The following TRIB1 variants were observed in gnomAD, a reference collection of about 807,000 sequenced individuals.
The protein encoded by TRIB1 is tribbles homolog 1.
TRIB1 carries 12 observed loss-of-function variants against 27.8 expected under a neutral mutation model. That is an observed-to-expected ratio of 0.43 (90% confidence interval 0.28 to 0.70). The LOEUF (loss-of-function observed/expected upper bound fraction) is 0.70. TRIB1 is among the 30% of genes least tolerant of loss of function. The probability of loss-of-function intolerance (pLI) is 0.18; values close to 1 mark genes in which losing one functional copy is unlikely to be tolerated. For missense variants in TRIB1, 475 were observed against 515.8 expected (o/e 0.92, Z 0.77); for synonymous variants, 230 against 224.9 (o/e 1.02, Z -0.20).
At chr8:125,432,643 A>C (rs1037956539) in intron 1 of TRIB1, among the ~76,000 whole-genome samples, 1 of 152,074 alleles carries the variant, frequency 6.6e-6, no homozygotes. Context: ...ATAAACAAAC[A>C]AGTGGAAAAC....
At chr8:125,431,624 A>G (rs549619442) in intron 1 of TRIB1, among the ~76,000 whole-genome samples, 146 of 152,294 alleles carry the variant, frequency 9.6e-4, no homozygotes, top group Non-Finnish European at 1.7e-3. Flanking sequence ...TCCCCCGCCA[A>G]TGTCCTGGAA....
chr8:125,431,996 G>C (rs1042216811), intron 1 of TRIB1, among the ~76,000 whole-genome samples: 3 of 152,134 alleles, frequency 2.0e-5, no homozygotes, highest in African/African-American at 7.2e-5. Flanking sequence ...GGATCCGCCG[G>C]GTCCTCCTCC....
In TRIB1 at chr8:125,433,620, G is replaced by A. The variant is rs772031739; in HGVS notation, c.653+11G>A. Reference sequence around the variant, plus strand: ...CTCCACGGAGGAGAGGTGAGCGGCCGCCACAGCTTCTCCTGTGGCCTTTTG... The same window carrying A: ...CTCCACGGAGGAGAGGTGAGCGGCCACCACAGCTTCTCCTGTGGCCTTTTG... On this transcript the variant is annotated intron_variant, in intron 2 of 2. Coordinates refer to ENST00000311922, the MANE Select transcript of TRIB1 (RefSeq NM_025195.4). The surrounding 1 kb of genome is among the most constrained non-coding windows in gnomAD (Gnocchi z 4.4). 1.8e-5 allele frequency: 28 copies of A among 1,597,754 alleles called. No individual in the cohort carries two copies. Among genetic ancestry groups the A allele is most frequent in the African/African-American group, 1.7e-4 (13 of 74,564 alleles).
rs1814755546 is a variant in TRIB1, at chr8:125,436,584, G to A, written c.*113G>A. The A allele has an allele frequency of 1.9e-6, 2 of 1,027,586 alleles. No individual in the cohort carries two copies. The highest frequency in any genetic ancestry group is 1.6e-5 in the South Asian group (1 of 63,402). The allele number at this position is 1,027,586 out of a possible 1,614,324, so 63.7% of individuals were successfully genotyped here. On this transcript the variant is annotated 3_prime_UTR_variant, in exon 3 of 3. Coordinates refer to ENST00000311922, the MANE Select transcript of TRIB1 (RefSeq NM_025195.4). ...AGATAATGACTGCATCAGGATGAAA[G>A]CTGCTGAACTCGGCATGGCGCCTCC...
rs1242488491 is a variant in TRIB1 at position 125,433,356 on chromosome 8, T to C, written c.400T>C (p.Tyr134His). 2 of 1,614,150 alleles carry C rather than the reference T, an allele frequency of 1.2e-6. No individual in the cohort carries two copies. Among genetic ancestry groups the C allele is most frequent in the South Asian group, 1.1e-5 (1 of 91,088 alleles). The change falls in exon 2 of 3, where the codon TAC (tyrosine) becomes CAC (histidine). Residue 134 changes from tyrosine to histidine, a missense_variant. Coordinates refer to ENST00000311922, the MANE Select transcript of TRIB1 (RefSeq NM_025195.4). The surrounding 1 kb of genome is among the most constrained non-coding windows in gnomAD (Gnocchi z 4.4). ...IKHYQDKIRP[Y>H]IQLPSHSNIT... is the part of the protein sequence containing the mutation. ...ACACTACCAGGACAAAATCAGGCCT[T>C]ACATCCAGCTGCCATCGCACAGCAA...
rs1457276636 is a variant in TRIB1, at chr8:125,431,185, C to T, written c.283C>T (p.Leu95=). ...APGPSRIADY[L]LLPLAEREHV... ...GGGGCCCAGCCGCATCGCCGACTAC[C>T]TGCTGCTGCCCCTAGCCGAGCGCGA... The change falls in exon 1 of 3, where the codon CTG becomes TTG. Residue 95 remains leucine, a synonymous_variant. Coordinates refer to ENST00000311922, the MANE Select transcript of TRIB1 (RefSeq NM_025195.4). 7 of 1,296,286 alleles carry T rather than the reference C, an allele frequency of 5.4e-6. No individual in the cohort carries two copies. Among genetic ancestry groups the T allele is most frequent in the Non-Finnish European group, 6.8e-6 (7 of 1,026,386 alleles). 80.3% of individuals were successfully genotyped at this position (1,296,286 alleles called of 1,614,324 possible).
At chr8:125,431,913 A>G (rs1403253448) in intron 1 of TRIB1, among the ~76,000 whole-genome samples, 1 of 152,098 alleles carries the variant, frequency 6.6e-6, no homozygotes, top group South Asian at 2.1e-4. Flanking sequence ...GATTCACTTT[A>G]TTTTCCAGCC....
chr8:125,432,773 T>C (rs1381851953), intron 1 of TRIB1: 2 of 153,390 alleles, frequency 1.3e-5, no homozygotes, highest in African/African-American at 4.8e-5. Flanking sequence ...CTCCAAGTCA[T>C]CTGTTCCTTC....
Position 125,430,673 on chromosome 8 carries a change from A to C in TRIB1, c.-230A>C. On this transcript the variant is annotated 5_prime_UTR_variant, in exon 1 of 3. Transcript: ENST00000311922. ...AGCCCTTGCCTGCGGGGGTCCGGGG[A>C]CTCGAGCCGGCCTCCGCCTCCCGGA... 9.2e-6 allele frequency: 4 copies of C among 432,856 alleles called. No homozygotes were observed. Among genetic ancestry groups the C allele is most frequent in the African/African-American group, 2.1e-5 (1 of 48,066 alleles). 26.8% of individuals were successfully genotyped at this position (432,856 alleles called of 1,614,324 possible).
intron 1 of TRIB1, chr8:125,432,741 G>C (rs1171881767): frequency 6.5e-6 from 1 of 152,722 alleles, no homozygotes; most frequent in Non-Finnish European, 1.5e-5. Flanking sequence ...GTTGCTTAAG[G>C]CTGCATTGTC....
rs749118774 is a variant in TRIB1 at position 125,436,342 on chromosome 8, C to G, written c.990C>G (p.Pro330=). 2.5e-6 allele frequency: 4 copies of G among 1,613,920 alleles called. No homozygotes were observed. Among genetic ancestry groups the G allele is most frequent in the Non-Finnish European group, 3.4e-6 (4 of 1,180,026 alleles). The change falls in exon 3 of 3, where the codon CCC becomes CCG. Residue 330 remains proline, a synonymous_variant. Coordinates refer to ENST00000311922, the MANE Select transcript of TRIB1 (RefSeq NM_025195.4). ...AGCCCTCCGAGAGACTCACTGCCCC[C>G]GAGATCCTACTGCACCCCTGGTTTG... ...RREPSERLTA[P]EILLHPWFES... is the part of the protein sequence containing the mutation.
chr8:125,433,337 C>T lies in TRIB1; in HGVS notation c.381C>T (p.Tyr127=), dbSNP rs1254070824. ...TACAGGTGTTTCCCATTAAACACTA[C>T]CAGGACAAAATCAGGCCTTACATCC... The part of the protein sequence containing the change: ...LRCKVFPIKH[Y]QDKIRPYIQL... Residue 127 remains tyrosine (Y), a synonymous_variant, in exon 2 of 3, where the codon TAC becomes TAT. Transcript: ENST00000311922. The surrounding 1 kb of genome is among the most constrained non-coding windows in gnomAD (Gnocchi z 4.4). 1.2e-6 allele frequency: 2 copies of T among 1,613,892 alleles called. No individual in the cohort carries two copies. Among genetic ancestry groups the T allele is most frequent in the African/African-American group, 1.3e-5 (1 of 74,910 alleles).
chr8:125,431,699 C>T (rs903906076), intron 1 of TRIB1, among the ~76,000 whole-genome samples: 4 of 152,186 alleles, frequency 2.6e-5, no homozygotes, highest in Admixed American at 6.5e-5. Context: ...GCCGGGCTTG[C>T]ACGGCACCCG....
Position 125,436,894 on chromosome 8 carries a change from A to G in TRIB1, c.*423A>G, listed in dbSNP as rs879065687. The G allele has an allele frequency of 2.8e-5, 6 of 211,568 alleles. No individual in the cohort carries two copies. In the Admixed American group the frequency reaches 3.2e-4, roughly 11 times the overall value. The allele number at this position is 211,568 out of a possible 1,614,324, so 13.1% of individuals were successfully genotyped here. A position where few individuals can be genotyped will look rare whatever the true frequency, so the allele number is the denominator to read the frequency against. On this transcript the variant is annotated 3_prime_UTR_variant, in exon 3 of 3. Coordinates refer to ENST00000311922, the MANE Select transcript of TRIB1 (RefSeq NM_025195.4). ...GACAAATTGGGCCAATAAATCTGCC[A>G]TCTTTGAACTCATCTTTGGTGGCTA...
Position 125,434,189 on chromosome 8 carries a change from G to A in TRIB1, c.653+580G>A, listed in dbSNP as rs535298376. 3.5e-4 allele frequency among the ~76,000 whole-genome samples: 54 copies of A among 152,274 alleles called. 1 individual carries two copies. In the South Asian group the frequency reaches 5.8e-3, roughly 16 times the overall value. ...TTGAATAGTAAATGGAAGTTGGTTA[G>A]GATGGATTGCTAAATATAGATCATA... is the stretch of plus-strand genomic sequence containing the variant. On this transcript the variant is annotated intron_variant, in intron 2 of 2. Coordinates refer to ENST00000311922, the MANE Select transcript of TRIB1 (RefSeq NM_025195.4).
Position 125,433,272 on chromosome 8 carries a change from C to G in TRIB1, c.361-45C>G. ...CTCCCTCAGGGGTTTGGGAGGCTGC[C>G]TTTGCTTTTCTAGCCCCCTAAACGG... On this transcript the variant is annotated intron_variant, in intron 1 of 2. Transcript: ENST00000311922. The surrounding 1 kb of genome is among the most constrained non-coding windows in gnomAD (Gnocchi z 4.4). 1 of 1,584,244 alleles carries G rather than the reference C, an allele frequency of 6.3e-7. No homozygotes were observed. Among genetic ancestry groups the G allele is most frequent in the Non-Finnish European group, 8.6e-7 (1 of 1,159,628 alleles).
In TRIB1 at chr8:125,430,746, G is replaced by T. The variant is rs1814639586; in HGVS notation, c.-157G>T. ...CGTGCAACGCGAGCGCCGGGGAGTGGCTCCTGCTTTGCCCCTCGTGGGGGC... is the reference window on the plus strand; with the variant it reads ...CGTGCAACGCGAGCGCCGGGGAGTGTCTCCTGCTTTGCCCCTCGTGGGGGC... On this transcript the variant is annotated 5_prime_UTR_variant, in exon 1 of 3. Coordinates refer to ENST00000311922, the MANE Select transcript of TRIB1 (RefSeq NM_025195.4). 1.0e-6 allele frequency: 1 copy of T among 1,002,732 alleles called. No homozygotes were observed. The highest frequency in any genetic ancestry group is 1.3e-6 in the Non-Finnish European group (1 of 763,846). 62.1% of individuals were successfully genotyped at this position (1,002,732 alleles called of 1,614,324 possible).
rs1384756819 is a variant in TRIB1 at position 125,438,014 on chromosome 8, C to T, written c.*1543C>T. ...TACCTCACGTACTGTGTACTTTGTA[C>T]ATATATTTTACCTTTTATACCTATG... On this transcript the variant is annotated 3_prime_UTR_variant, in exon 3 of 3. Transcript: ENST00000311922. 1 of 152,586 alleles carries T rather than the reference C, an allele frequency of 6.6e-6. No individual in the cohort carries two copies. The highest frequency in any genetic ancestry group is 1.5e-5 in the Non-Finnish European group (1 of 68,026). 9.5% of individuals were successfully genotyped at this position (152,586 alleles called of 1,614,324 possible). A position where few individuals can be genotyped will look rare whatever the true frequency, so the allele number is the denominator to read the frequency against.
Position 125,437,347 on chromosome 8 carries a change from TTCTG to T in TRIB1, c.*880_*883del, listed in dbSNP as rs1814773260. 2 of 152,344 alleles carry T rather than the reference TTCTG, an allele frequency of 1.3e-5. No homozygotes were observed. The highest frequency in any genetic ancestry group is 1.3e-4 in the Admixed American group (2 of 15,278). The allele number at this position is 152,344 out of a possible 1,614,324, so 9.4% of individuals were successfully genotyped here. Reference sequence around the variant, plus strand: ...CCCAAGACCATCTCAGGGTGGAGCATTCTGTCTAAGAGAAGAAAGATAAGGAGGC... The same window carrying T: ...CCCAAGACCATCTCAGGGTGGAGCATTCTAAGAGAAGAAAGATAAGGAGGC... On this transcript the variant is annotated 3_prime_UTR_variant, in exon 3 of 3. Transcript: ENST00000311922.
Sources: allele counts gnomAD v4.1 joint callset (sites outside exome capture counted in the v4.1 genomes callset), GRCh38; gene constraint gnomAD v4.1.1; non-coding constraint Gnocchi (gnomAD v3.1); transcripts MANE v1.5; gene names NCBI Gene and HGNC (gene_info 2026-07-23, HGNC 2026-07-21).